Variants in PGM5 observed in about 807,000 individuals in gnomAD.
PGM5 encodes the protein phosphoglucomutase-like protein 5.
PGM5 carries 23 observed loss-of-function variants against 59.2 expected under a neutral mutation model. That is an observed-to-expected ratio of 0.39 (90% CI 0.28 to 0.55). The LOEUF is 0.55. PGM5 is among the 20% of genes least tolerant of loss of function. The pLI is 0.66. For synonymous variants in PGM5, 214 were observed against 286.0 expected (o/e 0.75, Z 2.54); for missense variants, 574 against 748.3 (o/e 0.77, Z 2.72).
At chr9:68,502,465 A>C (rs1456325095) in intron 10 of PGM5, among the ~76,000 whole-genome samples, 1 of 152,136 alleles carries the variant, frequency 6.6e-6, no homozygotes, top group Non-Finnish European at 1.5e-5. Context: ...CTGTGGGTGG[A>C]GTAGTTAAGG....
At chr9:68,505,720 C>A (rs936046636) in intron 10 of PGM5, among the ~76,000 whole-genome samples, 1 of 152,308 alleles carries the variant, frequency 6.6e-6, no homozygotes, top group South Asian at 2.1e-4. Context: ...GATGTGTTCA[C>A]CAGCCTGGAA....
In PGM5 at chr9:68,445,181, G is replaced by A. The variant is rs543168474; in HGVS notation, c.1044-19912G>A. Among the ~76,000 whole-genome samples, 42 of 151,766 alleles carry A rather than the reference G, an allele frequency of 2.8e-4. No individual in the cohort carries two copies. In the South Asian group the frequency reaches 3.1e-3, roughly 11 times the overall value. ...CAGTGGTCTTCAAATGTTAGAGTGC[G>A]TAAGAATCTTATCAGGATTAGATAG... is the stretch of plus-strand genomic sequence containing the variant. On this transcript the variant is annotated intron_variant, in intron 6 of 10. Coordinates refer to ENST00000396396, the MANE Select transcript of PGM5 (RefSeq NM_021965.4).
intron 6 of PGM5, among the ~76,000 whole-genome samples, chr9:68,453,975 G>A (rs1295646570): frequency 6.6e-6 from 1 of 152,226 alleles, no homozygotes; most frequent in East Asian, 1.9e-4. Context: ...GAGTGTACTG[G>A]TGTCTTTCAT....
intron 6 of PGM5, among the ~76,000 whole-genome samples, chr9:68,420,943 G>C (rs980098197): frequency 6.6e-6 from 1 of 152,246 alleles, no homozygotes; most frequent in East Asian, 1.9e-4. Flanking sequence ...GTGTTATAAA[G>C]TGTAAGGTGT....
chr9:68,501,168 C>T (rs1554688638), intron 10 of PGM5, among the ~76,000 whole-genome samples: 1 of 152,096 alleles, frequency 6.6e-6, no homozygotes, highest in African/African-American at 2.4e-5. Flanking sequence ...TTCTGATTTC[C>T]CCTCCCTTCT....
intron 1 of PGM5, among the ~76,000 whole-genome samples, chr9:68,365,019 G>A (rs868948928): frequency 2.6e-5 from 4 of 152,252 alleles, no homozygotes; most frequent in African/African-American, 9.6e-5. Flanking sequence ...TAAAACATCT[G>A]TTCTCTTTGA....
chr9:68,376,669 G>A (rs1180148835), intron 1 of PGM5, among the ~76,000 whole-genome samples: 2 of 152,084 alleles, frequency 1.3e-5, no homozygotes, highest in East Asian at 1.9e-4. Context: ...GGTTATATCA[G>A]TACTTATCAA....
chr9:68,497,901 G>A (rs1824506381), intron 9 of PGM5: 1 of 152,192 alleles, frequency 6.6e-6, no homozygotes, highest in Admixed American at 6.5e-5. Context: ...CAATATCCCT[G>A]CCTCTACTGA....
chr9:68,444,172 A>G (rs1222734568), intron 6 of PGM5, among the ~76,000 whole-genome samples: 2 of 151,920 alleles, frequency 1.3e-5, no homozygotes, highest in African/African-American at 4.8e-5. Flanking sequence ...GATCAAAGAC[A>G]GAAATATTGA....
At chr9:68,420,448 A>C (rs1554682274) in intron 6 of PGM5, among the ~76,000 whole-genome samples, 1 of 152,216 alleles carries the variant, frequency 6.6e-6, no homozygotes, top group Non-Finnish European at 1.5e-5. Flanking sequence ...CTCACAATGC[A>C]TGCCAGTTAG....
chr9:68,476,386 C>T (rs1416532971), intron 7 of PGM5, among the ~76,000 whole-genome samples: 1 of 152,104 alleles, frequency 6.6e-6, no homozygotes, highest in Non-Finnish European at 1.5e-5. Flanking sequence ...AATATCCAGC[C>T]TATTATCCCT....
intron 6 of PGM5, among the ~76,000 whole-genome samples, chr9:68,451,975 C>G (rs1357342864): frequency 1.3e-5 from 2 of 152,244 alleles, no homozygotes; most frequent in Non-Finnish European, 2.9e-5. Flanking sequence ...TGCTACAATA[C>G]TTTTTAATAG....
chr9:68,373,430 C>T (rs1308161006), intron 1 of PGM5, among the ~76,000 whole-genome samples: 10 of 152,084 alleles, frequency 6.6e-5, no homozygotes, highest in African/African-American at 1.4e-4. Context: ...AGTGTAATTA[C>T]TCACTTTAAC....
At chr9:68,385,157 A>G (rs1243283019) in intron 3 of PGM5, among the ~76,000 whole-genome samples, 4 of 151,866 alleles carry the variant, frequency 2.6e-5, no homozygotes, top group Non-Finnish European at 5.9e-5. Context: ...CTTCTACAGT[A>G]TTCAGAAGAT....
At chr9:68,414,722 C>A (rs2480120) in intron 6 of PGM5, among the ~76,000 whole-genome samples, 1 of 109,100 alleles carries the variant, frequency 9.2e-6, no homozygotes, top group South Asian at 2.9e-4. Flanking sequence ...ACTGGTGGTA[C>A]GAAGAAGGGA....
chr9:68,410,922 A>G (rs1822918234), intron 6 of PGM5, among the ~76,000 whole-genome samples: 1 of 152,234 alleles, frequency 6.6e-6, no homozygotes, highest in Non-Finnish European at 1.5e-5. Flanking sequence ...TCTTCAAGGA[A>G]CCAGGTTCTA....
chr9:68,446,326 T>G (rs115663519), intron 6 of PGM5, among the ~76,000 whole-genome samples: 1,693 of 152,384 alleles, frequency 0.011, 32 homozygotes, highest in African/African-American at 0.038. Flanking sequence ...GTTTACAATG[T>G]GCAACACACT....
At chr9:68,390,463 C>A (rs1301272884) in intron 4 of PGM5, among the ~76,000 whole-genome samples, 7 of 152,254 alleles carry the variant, frequency 4.6e-5, no homozygotes, top group Admixed American at 2.0e-4. Context: ...CATACCCAGA[C>A]CCCATGAACT....
At chr9:68,399,093 A>G (rs1822597086) in intron 6 of PGM5, 2 of 152,124 alleles carry the variant, frequency 1.3e-5, no homozygotes, top group African/African-American at 4.8e-5. Context: ...CTTTTTTTCC[A>G]CTAAAGACCA....
Sources: allele counts gnomAD v4.1 joint callset (sites outside exome capture counted in the v4.1 genomes callset), GRCh38; gene constraint gnomAD v4.1.1; transcripts MANE v1.5; gene names NCBI Gene and HGNC (gene_info 2026-07-23, HGNC 2026-07-21).